IMMP2L: variants seen among roughly 807,000 people sequenced by gnomAD.
The protein encoded by IMMP2L is inner mitochondrial membrane peptidase subunit 2, also known as mitochondrial inner membrane protease subunit 2.
Under a neutral mutation model 19.3 loss-of-function variants are expected in IMMP2L, and 18 were observed. That is an observed-to-expected ratio of 0.93 (90% confidence interval 0.64 to 1.38). The LOEUF is 1.38. IMMP2L is among the 40% of genes most tolerant of loss of function. IMMP2L has a pLI of 0.00. For missense variants in IMMP2L, 233 were observed against 218.2 expected (o/e 1.07, Z -0.43); for synonymous variants, 76 against 73.0 (o/e 1.04, Z -0.21).
intron 5 of IMMP2L, among the ~76,000 whole-genome samples, chr7:110,846,511 G>T (rs957635835): frequency 6.6e-6 from 1 of 151,736 alleles, no homozygotes; most frequent in African/African-American, 2.4e-5. Flanking sequence ...GACTACTGGC[G>T]CCTGCCACCA....
At chr7:111,511,934 C>T (rs545451687) in intron 2 of IMMP2L, among the ~76,000 whole-genome samples, 65 of 152,160 alleles carry the variant, frequency 4.3e-4, no homozygotes, top group Non-Finnish European at 7.8e-4. Flanking sequence ...GCAAGTGGTG[C>T]CAGTTAGCAG....
intron 5 of IMMP2L, among the ~76,000 whole-genome samples, chr7:110,778,214 T>C (rs1454472012): frequency 6.6e-6 from 1 of 151,940 alleles, no homozygotes; most frequent in Non-Finnish European, 1.5e-5. Context: ...ATTTAATACT[T>C]CTATCTAATA....
chr7:111,041,254 G>A (rs1358270808), intron 3 of IMMP2L, among the ~76,000 whole-genome samples: 1 of 152,042 alleles, frequency 6.6e-6, no homozygotes, highest in Non-Finnish European at 1.5e-5. Flanking sequence ...CTTAGCTGAG[G>A]TGTGGTCTAA....
chr7:110,810,232 C>G (rs986643676), intron 5 of IMMP2L, among the ~76,000 whole-genome samples: 2 of 152,054 alleles, frequency 1.3e-5, no homozygotes, highest in African/African-American at 4.8e-5. Flanking sequence ...TATCAATATT[C>G]AGCTAAAAAG....
At chr7:111,425,284 G>A (rs1025069392) in intron 3 of IMMP2L, among the ~76,000 whole-genome samples, 1 of 144,954 alleles carries the variant, frequency 6.9e-6, no homozygotes, top group African/African-American at 2.5e-5. Context: ...GACCATGAGA[G>A]GACTTTCTGG....
At chr7:111,070,704 C>T (rs1296788475) in intron 3 of IMMP2L, among the ~76,000 whole-genome samples, 1 of 152,014 alleles carries the variant, frequency 6.6e-6, no homozygotes. Flanking sequence ...ACCATAGTGG[C>T]CATATTTGGA....
At chr7:111,431,146 C>A (rs1836588270) in intron 3 of IMMP2L, among the ~76,000 whole-genome samples, 1 of 151,776 alleles carries the variant, frequency 6.6e-6, no homozygotes, top group Admixed American at 6.6e-5. Flanking sequence ...TTTATCTTGA[C>A]CACAAAAGGT....
At chr7:110,811,112 T>G (rs997625043) in intron 5 of IMMP2L, among the ~76,000 whole-genome samples, 3 of 152,056 alleles carry the variant, frequency 2.0e-5, no homozygotes, top group African/African-American at 7.2e-5. Context: ...TATTTTTGAT[T>G]TGCTTGACAT....
At chr7:111,380,987 C>T (rs937065112) in intron 3 of IMMP2L, among the ~76,000 whole-genome samples, 3 of 151,810 alleles carry the variant, frequency 2.0e-5, no homozygotes, top group African/African-American at 4.8e-5. Context: ...AATGAGAGTG[C>T]AAATCTGAGC....
chr7:110,908,386 T>TCA (rs1480348694), intron 4 of IMMP2L, among the ~76,000 whole-genome samples: 1 of 152,216 alleles, frequency 6.6e-6, no homozygotes, highest in East Asian at 1.9e-4. Flanking sequence ...GATAACTGAT[T>TCA]TAGCATTCAC....
intron 5 of IMMP2L, among the ~76,000 whole-genome samples, chr7:110,759,173 C>G (rs1798204309): frequency 6.6e-6 from 1 of 152,042 alleles, no homozygotes; most frequent in African/African-American, 2.4e-5. Context: ...ATGTCACTGC[C>G]ACTGGAAGAC....
intron 4 of IMMP2L, among the ~76,000 whole-genome samples, chr7:110,906,215 C>T (rs552087837): frequency 6.6e-6 from 1 of 152,214 alleles, no homozygotes; most frequent in Non-Finnish European, 1.5e-5. Context: ...CACTAGATTG[C>T]TACAATAATA....
chr7:110,896,945 G>A (rs1051326141), intron 4 of IMMP2L, among the ~76,000 whole-genome samples: 2 of 151,842 alleles, frequency 1.3e-5, no homozygotes, highest in African/African-American at 2.4e-5. Context: ...CCCAAGTTGC[G>A]AGGACTGCAG....
chr7:111,447,911 G>A (rs893323430), intron 3 of IMMP2L, among the ~76,000 whole-genome samples: 29 of 147,900 alleles, frequency 2.0e-4, no homozygotes, highest in Non-Finnish European at 3.9e-4. Flanking sequence ...TGCAATCCTA[G>A]TCTCTGATAA....
chr7:111,213,746 G>A lies in IMMP2L; in HGVS notation c.240-250181C>T, dbSNP rs1811585333. On this transcript the variant is annotated intron_variant, in intron 3 of 5. Transcript: ENST00000405709. The surrounding 1 kb of genome is among the most constrained non-coding windows in gnomAD (Gnocchi z 4.8). ...ACAGTATGACCAGTTGTGGAGAGGA[G>A]CTACCCACACCAGAGTCTCCTATCT... 6.6e-6 allele frequency among the ~76,000 whole-genome samples: 1 copy of A among 152,130 alleles called. No individual in the cohort carries two copies. Among genetic ancestry groups the A allele is most frequent in the Non-Finnish European group, 1.5e-5 (1 of 68,016 alleles).
chr7:110,782,843 C>T (rs1799827778), intron 5 of IMMP2L, among the ~76,000 whole-genome samples: 1 of 151,714 alleles, frequency 6.6e-6, no homozygotes, highest in Non-Finnish European at 1.5e-5. Context: ...TTACTGTGTC[C>T]TTGGACTAAG....
intron 5 of IMMP2L, among the ~76,000 whole-genome samples, chr7:110,695,011 G>A (rs1793781608): frequency 6.6e-6 from 1 of 152,112 alleles, no homozygotes; most frequent in South Asian, 2.1e-4. Context: ...CCATAATAGG[G>A]AAATCCACAG....
intron 5 of IMMP2L, among the ~76,000 whole-genome samples, chr7:110,749,446 G>A (rs775571742): frequency 3.3e-5 from 5 of 151,892 alleles, no homozygotes; most frequent in Admixed American, 1.3e-4. Flanking sequence ...ACATGCAAAC[G>A]TTATGTTTAT....
rs1819855712 is a variant in IMMP2L at position 110,968,957 on chromosome 7, T to C, written c.240-5392A>G. Among the ~76,000 whole-genome samples, 2 of 152,072 alleles carry C rather than the reference T, an allele frequency of 1.3e-5. 1 individual carries two copies. Among genetic ancestry groups the C allele is most frequent in the South Asian group, 4.1e-4 (2 of 4,830 alleles). ...AGAGTTACAATCCTTTTTTAAGACT[T>C]ACATGGATAGACTATATTTAAGCCC... On this transcript the variant is annotated intron_variant, in intron 3 of 5. Transcript: ENST00000405709.
Sources: allele counts gnomAD v4.1 joint callset (sites outside exome capture counted in the v4.1 genomes callset), GRCh38; gene constraint gnomAD v4.1.1; non-coding constraint Gnocchi (gnomAD v3.1); transcripts MANE v1.5; gene names NCBI Gene and HGNC (gene_info 2026-07-23, HGNC 2026-07-21).